NXPE3: variants seen among roughly 807,000 people sequenced by gnomAD.
NXPE3 encodes NXPE family member 3.
In NXPE3, 26 loss-of-function variants were observed where a neutral mutation model predicts 46.1. That is an observed-to-expected ratio of 0.56 (90% confidence interval 0.41 to 0.78). The LOEUF is 0.78. Ranked by LOEUF, NXPE3 falls within the 30% of genes least tolerant of loss-of-function variation. The pLI is 0.00. For missense variants in NXPE3, 620 were observed against 686.0 expected, an observed-to-expected ratio of 0.90 and a Z score of 1.07; for synonymous variants, 272 against 257.9, an observed-to-expected ratio of 1.05 and a Z score of -0.52.
chr3:101,785,373 T>C (rs115721253), intron 3 of NXPE3, 29 bp from the exon 4 acceptor site: 9,950 of 503,426 alleles, frequency 0.02, 146 homozygotes, highest in Non-Finnish European at 0.028. Flanking sequence ...TTGCAATTGG[T>C]GATGTTCTCT....
intron 4 of NXPE3, among the ~76,000 whole-genome samples, chr3:101,790,780 G>T (rs1214034114): frequency 3.3e-5 from 5 of 151,826 alleles, no homozygotes; most frequent in Non-Finnish European, 5.9e-5. Context: ...TTTCTTTTTA[G>T]ATACGGGGTT....
chr3:101,821,418 A>C lies in NXPE3; in HGVS notation c.1144A>C (p.Asn382His), dbSNP rs776065353. The C allele has an allele frequency of 2.5e-6, 4 of 1,613,222 alleles. No individual in the cohort carries two copies. In the South Asian group the frequency reaches 4.4e-5, roughly 18 times the overall value. Residue 382 changes from asparagine (N) to histidine (H), a missense_variant, in exon 8 of 8, where the codon AAC (asparagine) becomes CAC (histidine). This residue lies in a region of NXPE3 where 511 missense variants were observed against 528.6 expected (regional missense o/e 0.97). Coordinates refer to ENST00000273347, the MANE Select transcript of NXPE3 (RefSeq NM_145037.4). ...TTFVPDLVEF[N>H]LGSPKNVGPF... ...CCTTGTTTCAGATTTAGTGGAGTTT[A>C]ACTTGGGTAGTCCCAAGAATGTGGG...
At position 101,827,403 on chromosome 3, in the gene NXPE3, G is replaced by C. The variant is rs1283614669; in HGVS notation, c.*5449G>C. 1 of 152,154 alleles carries C rather than the reference G, an allele frequency of 6.6e-6. No homozygotes were observed. The highest frequency in any genetic ancestry group is 1.5e-5 in the Non-Finnish European group (1 of 68,010). 9.4% of individuals were successfully genotyped at this position (152,154 alleles called of 1,614,324 possible). On this transcript the variant is annotated 3_prime_UTR_variant, in exon 8 of 8. Transcript: ENST00000273347. ...GTGATCTTCATGTTACAGGACCATT[G>C]CTTTATTTATGTCACAGATTTCTTG...
intron 3 of NXPE3, among the ~76,000 whole-genome samples, chr3:101,784,674 T>C (rs1940041515): frequency 6.6e-6 from 1 of 152,226 alleles, no homozygotes; most frequent in Admixed American, 6.5e-5. Context: ...TTGAATTTGT[T>C]ACGTGGGAGA....
intron 6 of NXPE3, among the ~76,000 whole-genome samples, chr3:101,816,412 C>G (rs570265618): frequency 6.6e-6 from 1 of 152,072 alleles, no homozygotes; most frequent in African/African-American, 2.4e-5. Context: ...CTAATGCTCT[C>G]CCTCCCCTTC....
chr3:101,808,533 A>C (rs1941535901), intron 6 of NXPE3, among the ~76,000 whole-genome samples: 1 of 152,066 alleles, frequency 6.6e-6, no homozygotes, highest in Non-Finnish European at 1.5e-5. Context: ...ACCATGTAGA[A>C]ACAAACCCTG....
chr3:101,792,497 C>A (rs1196425492), intron 4 of NXPE3, among the ~76,000 whole-genome samples: 1 of 152,088 alleles, frequency 6.6e-6, no homozygotes. Context: ...CCAGTTATTC[C>A]AGCACCGTTT....
At chr3:101,815,337 GAATTAA>G (rs1379917302) in intron 6 of NXPE3, among the ~76,000 whole-genome samples, 2 of 152,044 alleles carry the variant, frequency 1.3e-5, no homozygotes, top group East Asian at 1.9e-4. Context: ...TGTTTTTTTG[GAATTAA>G]AATTAAAATT....
At chr3:101,783,307 T>C (rs1194783797) in intron 3 of NXPE3, among the ~76,000 whole-genome samples, 2 of 152,200 alleles carry the variant, frequency 1.3e-5, no homozygotes, top group Non-Finnish European at 2.9e-5. Flanking sequence ...GTGATCCGCC[T>C]GCCTCGGCCT....
At chr3:101,792,036 G>A (rs1329206153) in intron 4 of NXPE3, among the ~76,000 whole-genome samples, 1 of 152,116 alleles carries the variant, frequency 6.6e-6, no homozygotes, top group African/African-American at 2.4e-5. Context: ...CTAATGATCA[G>A]TGATATTGAG....
chr3:101,822,162 G>A lies in NXPE3; in HGVS notation c.*208G>A, dbSNP rs1240332604. 2.0e-6 allele frequency: 1 copy of A among 500,018 alleles called. No homozygotes were observed. The highest frequency in any genetic ancestry group is 3.5e-6 in the Non-Finnish European group (1 of 282,058). The allele number at this position is 500,018 out of a possible 1,614,324, so 31.0% of individuals were successfully genotyped here. A position where few individuals can be genotyped will look rare whatever the true frequency, so the allele number is the denominator to read the frequency against. ...TAGGATTTTATCCAATGTTGACTTA[G>A]CCATGGTAGAACTCTTAACTGCATC... is the stretch of plus-strand genomic sequence containing the variant. On this transcript the variant is annotated 3_prime_UTR_variant, in exon 8 of 8. Transcript: ENST00000273347.
intron 7 of NXPE3, among the ~76,000 whole-genome samples, chr3:101,818,715 T>TTATATATATATA (rs61602305): frequency 3.7e-4 from 14 of 38,044 alleles, no homozygotes; most frequent in African/African-American, 1.1e-3. Flanking sequence ...ATATGACAAT[T>TTATATATATATA]TATATATATA....
At chr3:101,809,544 C>A (rs982951622) in intron 6 of NXPE3, among the ~76,000 whole-genome samples, 5 of 152,158 alleles carry the variant, frequency 3.3e-5, no homozygotes, top group African/African-American at 1.2e-4. Flanking sequence ...CTGTGGAATT[C>A]TAATTGTGAC....
intron 6 of NXPE3, among the ~76,000 whole-genome samples, chr3:101,813,668 C>T (rs1941827422): frequency 6.6e-6 from 1 of 152,210 alleles, no homozygotes; most frequent in Non-Finnish European, 1.5e-5. Context: ...CTTCTTCCTT[C>T]ACCAGCAATT....
chr3:101,823,520 A>G lies in NXPE3; in HGVS notation c.*1566A>G, dbSNP rs1243505101. The G allele has an allele frequency of 6.6e-6, 1 of 152,388 alleles. No homozygotes were observed. The highest frequency in any genetic ancestry group is 2.4e-5 in the African/African-American group (1 of 41,408). 9.4% of individuals were successfully genotyped at this position (152,388 alleles called of 1,614,324 possible). A position where few individuals can be genotyped will look rare whatever the true frequency, so the allele number is the denominator to read the frequency against. Reference sequence around the variant, plus strand: ...CAGGGTGTGGTAGCTCAAGCCTGTAATCCCAGCACTTTGGGAGGCCAGGCA... The same window carrying G: ...CAGGGTGTGGTAGCTCAAGCCTGTAGTCCCAGCACTTTGGGAGGCCAGGCA... On this transcript the variant is annotated 3_prime_UTR_variant, in exon 8 of 8. Coordinates refer to ENST00000273347, the MANE Select transcript of NXPE3 (RefSeq NM_145037.4).
rs369536818 is a variant in NXPE3, at chr3:101,789,155, T to G, written c.93+3466T>G. On this transcript the variant is annotated intron_variant, in intron 4 of 7. Transcript: ENST00000273347. The stretch of plus-strand genomic sequence containing the variant: ...ATTATTTCCCTTCTTCTGTTTACTT[T>G]GGATTTAATTGTCTCGTCCTAGTTT... Among the ~76,000 whole-genome samples, 7 of 152,234 alleles carry G rather than the reference T, an allele frequency of 4.6e-5. No homozygotes were observed. In the East Asian group the frequency reaches 7.7e-4, roughly 17 times the overall value.
Position 101,797,580 on chromosome 3 carries a change from C to T in NXPE3, c.94-3655C>T, listed in dbSNP as rs376825902. On this transcript the variant is annotated intron_variant, in intron 4 of 7. Transcript: ENST00000273347. ...CCAATGCTATCCCTCCCCCCTCCCCCGACCCCACCACAGTCCCCAGAGTGT... is the reference window on the plus strand; with the variant it reads ...CCAATGCTATCCCTCCCCCCTCCCCTGACCCCACCACAGTCCCCAGAGTGT... Among the ~76,000 whole-genome samples, 9 of 105,970 alleles carry T rather than the reference C, an allele frequency of 8.5e-5. No homozygotes were observed. In the East Asian group the frequency reaches 2.0e-3, roughly 23 times the overall value. The allele number at this position is 105,970 out of a possible 152,430, so 69.5% of individuals were successfully genotyped here.
At chr3:101,799,652 C>G (rs954679298) in intron 4 of NXPE3, among the ~76,000 whole-genome samples, 1 of 152,056 alleles carries the variant, frequency 6.6e-6, no homozygotes, top group East Asian at 1.9e-4. Flanking sequence ...TCTTGAACTC[C>G]TGACCTTGTG....
chr3:101,793,432 G>T (rs1473244237), intron 4 of NXPE3, among the ~76,000 whole-genome samples: 1 of 151,976 alleles, frequency 6.6e-6, no homozygotes, highest in African/African-American at 2.4e-5. Flanking sequence ...CATGTAATTG[G>T]ATCTTGTTTT....
Sources: allele counts gnomAD v4.1 joint callset (sites outside exome capture counted in the v4.1 genomes callset), GRCh38; gene constraint gnomAD v4.1.1; regional missense constraint gnomAD v4.1.1; transcripts MANE v1.5; gene names NCBI Gene and HGNC (gene_info 2026-07-23, HGNC 2026-07-21).